The following FAM222B variants were observed in gnomAD, a reference collection of about 807,000 sequenced individuals.
FAM222B encodes the protein family with sequence similarity 222 member B, also known as protein FAM222B.
Under a neutral mutation model 38.0 loss-of-function variants are expected in FAM222B, and 12 were observed. The ratio of observed to expected loss-of-function variants is 0.32; its 90% confidence interval spans 0.20 to 0.51. The LOEUF is 0.51. Ranked by LOEUF, FAM222B falls within the 20% of genes least tolerant of loss-of-function variation. FAM222B has a pLI of 0.97. For missense variants in FAM222B, 716 were observed against 754.2 expected, an observed-to-expected ratio of 0.95 and a Z score of 0.59; for synonymous variants, 329 against 317.2, an observed-to-expected ratio of 1.04 and a Z score of -0.40.
At chr17:28,773,256 T>A (rs1477948767) in intron 1 of FAM222B, among the ~76,000 whole-genome samples, 1 of 150,896 alleles carries the variant, frequency 6.6e-6, no homozygotes, top group Non-Finnish European at 1.5e-5. Context: ...ACGGGTGGAT[T>A]ACCTGAGGTC....
chr17:28,787,741 C>G (rs537507520), intron 1 of FAM222B, among the ~76,000 whole-genome samples: 1 of 151,644 alleles, frequency 6.6e-6, no homozygotes, highest in Admixed American at 6.6e-5. Context: ...GGTAAACACA[C>G]AGATAAAGAT....
intron 1 of FAM222B, among the ~76,000 whole-genome samples, chr17:28,772,164 T>C (rs2035665464): frequency 6.6e-6 from 1 of 152,176 alleles, no homozygotes; most frequent in African/African-American, 2.4e-5. Context: ...ACTCTGACGA[T>C]GGGGATACAA....
chr17:28,828,780 T>C (rs1375113892), intron 1 of FAM222B, among the ~76,000 whole-genome samples: 2 of 152,274 alleles, frequency 1.3e-5, no homozygotes. Flanking sequence ...CATTCTTTTA[T>C]TGTTCAGTTC....
At chr17:28,766,802 T>C (rs1240004002) in intron 1 of FAM222B, 95 bp from the exon 2 acceptor site, 1 of 668,670 alleles carries the variant, frequency 1.5e-6, no homozygotes, top group Non-Finnish European at 2.6e-6. Flanking sequence ...GGCCCAAGTT[T>C]AGACACATAA....
rs185688008 is a variant in FAM222B at position 28,838,371 on chromosome 17, G to A, written c.-41+4311C>T. 1.0e-3 allele frequency among the ~76,000 whole-genome samples: 155 copies of A among 151,494 alleles called. 1 individual carries two copies. The East Asian group carries it at 0.025, about 24-fold the overall frequency. On this transcript the variant is annotated intron_variant, in intron 1 of 2. Transcript: ENST00000581407. Reference sequence around the variant, plus strand: ...CGAGGTAGGCAGATCACAAGGTCAGGAGATCGAGACCATCCTGGCTAACAC... The same window carrying A: ...CGAGGTAGGCAGATCACAAGGTCAGAAGATCGAGACCATCCTGGCTAACAC...
chr17:28,777,991 T>G (rs376938323), intron 1 of FAM222B, among the ~76,000 whole-genome samples: 189 of 149,440 alleles, frequency 1.3e-3, no homozygotes, highest in African/African-American at 4.6e-3. Context: ...GGTTTCATCA[T>G]GTTGCCCAGG....
At chr17:28,771,618 T>C (rs1187715447) in intron 1 of FAM222B, among the ~76,000 whole-genome samples, 2 of 151,874 alleles carry the variant, frequency 1.3e-5, no homozygotes, top group East Asian at 3.9e-4. Context: ...GAGGCAGAGG[T>C]TGTCGTGAGC....
At chr17:28,766,869 G>C (rs1157119835) in intron 1 of FAM222B, 162 bp from the exon 2 acceptor site, 1 of 542,566 alleles carries the variant, frequency 1.8e-6, no homozygotes, top group African/African-American at 1.9e-5. Context: ...TATCTGTGAC[G>C]ACAATTTGCT....
intron 1 of FAM222B, among the ~76,000 whole-genome samples, chr17:28,818,445 G>A (rs955990041): frequency 2.6e-5 from 4 of 151,412 alleles, no homozygotes; most frequent in Non-Finnish European, 2.9e-5. Flanking sequence ...GGAGAATGGC[G>A]TGAACCTGGG....
intron 1 of FAM222B, among the ~76,000 whole-genome samples, chr17:28,831,290 G>A (rs756404974): frequency 3.3e-5 from 5 of 151,814 alleles, no homozygotes; most frequent in South Asian, 2.1e-4. Flanking sequence ...CACCGTGCCC[G>A]GCCTGAATCT....
At chr17:28,835,024 T>TGTGTGTGTG (rs2038792448) in intron 1 of FAM222B, among the ~76,000 whole-genome samples, 27 of 132,112 alleles carry the variant, frequency 2.0e-4, no homozygotes, top group Non-Finnish European at 3.7e-4. Flanking sequence ...TCAGCTAATT[T>TGTGTGTGTG]TGTGTGTGTG....
chr17:28,764,330 T>TCAGGAG (rs2035230091), intron 2 of FAM222B, among the ~76,000 whole-genome samples: 1 of 143,816 alleles, frequency 7.0e-6, no homozygotes, highest in African/African-American at 2.6e-5. Context: ...GTAATCCCAC[T>TCAGGAG]ACTCAGGAGA....
rs35199325 is a variant in FAM222B, at chr17:28,847,913, CAA to C, written c.-41+7035_-41+7036del. Among the ~76,000 whole-genome samples, 51 of 99,414 alleles carry C rather than the reference CAA, an allele frequency of 5.1e-4. 1 individual carries two copies. Among genetic ancestry groups the C allele is most frequent in the Middle Eastern group, 5.3e-3 (1 of 188 alleles). 65.2% of individuals were successfully genotyped at this position (99,414 alleles called of 152,430 possible). On this transcript the variant is annotated intron_variant, in intron 1 of 2. Coordinates refer to the FAM222B transcript ENST00000577513. ...TGGGCGAAAGAGCGAGACTCCGCCT[CAA>C]AAAAAAAAAAAAGAAAAGAAAAGAA...
chr17:28,789,259 C>T (rs544446151), intron 1 of FAM222B, among the ~76,000 whole-genome samples: 5 of 148,428 alleles, frequency 3.4e-5, no homozygotes, highest in South Asian at 2.1e-4. Context: ...TGTGCAGTGG[C>T]GGAATCTCAG....
At chr17:28,760,106 C>G (rs184296739) in intron 2 of FAM222B, among the ~76,000 whole-genome samples, 156 of 152,342 alleles carry the variant, frequency 1.0e-3, no homozygotes, top group African/African-American at 3.2e-3. Context: ...AGATGACAGG[C>G]CATCTCAATG....
At chr17:28,794,380 C>T (rs1190257914) in intron 1 of FAM222B, among the ~76,000 whole-genome samples, 1 of 151,750 alleles carries the variant, frequency 6.6e-6, no homozygotes, top group Admixed American at 6.6e-5. Flanking sequence ...CCACCATGCC[C>T]GGCTAATTTT....
intron 2 of FAM222B, among the ~76,000 whole-genome samples, chr17:28,764,323 A>G (rs1319135048): frequency 6.6e-6 from 1 of 151,512 alleles, no homozygotes; most frequent in Non-Finnish European, 1.5e-5. Context: ...CATGCCTGTA[A>G]TCCCACTACT....
At chr17:28,824,721 A>C (rs1435975808) in intron 1 of FAM222B, among the ~76,000 whole-genome samples, 1 of 152,140 alleles carries the variant, frequency 6.6e-6, no homozygotes, top group Non-Finnish European at 1.5e-5. Context: ...GTTACCATAA[A>C]GTCTCATTTG....
chr17:28,814,393 A>G (rs1228086415), intron 1 of FAM222B, among the ~76,000 whole-genome samples: 2 of 152,150 alleles, frequency 1.3e-5, no homozygotes, highest in Non-Finnish European at 2.9e-5. Flanking sequence ...AACTCAAAAC[A>G]TTTCATATAT....
Sources: allele counts gnomAD v4.1 joint callset (sites outside exome capture counted in the v4.1 genomes callset), GRCh38; gene constraint gnomAD v4.1.1; transcripts MANE v1.5; gene names NCBI Gene and HGNC (gene_info 2026-07-23, HGNC 2026-07-21).